RFC3: variants seen among roughly 807,000 people sequenced by gnomAD.
RFC3 encodes the protein A1 38 kDa subunit.
In RFC3, 41 loss-of-function variants were observed where a neutral mutation model predicts 45.1. The ratio of observed to expected loss-of-function variants is 0.91; its 90% CI spans 0.71 to 1.18. The LOEUF is 1.18. Ranked by LOEUF, RFC3 falls within the 50% of genes most tolerant of loss-of-function variation. RFC3 has a pLI of 0.00. For missense variants in RFC3, 423 were observed against 428.1 expected (o/e 0.99, Z 0.10); for synonymous variants, 149 against 144.0 (o/e 1.03, Z -0.25).
intron 8 of RFC3, among the ~76,000 whole-genome samples, chr13:33,928,871 T>G (rs2082833912): frequency 6.6e-6 from 1 of 152,134 alleles, no homozygotes; most frequent in Non-Finnish European, 1.5e-5. Flanking sequence ...ATGGGTTAGT[T>G]GCCCTAGAAA....
chr13:33,923,472 G>A (rs543948031), intron 8 of RFC3, among the ~76,000 whole-genome samples: 1 of 152,192 alleles, frequency 6.6e-6, no homozygotes, highest in Admixed American at 6.5e-5. Flanking sequence ...ATATTAACAC[G>A]AAAACTAGTG....
chr13:33,943,183 G>C (rs1158551494), intron 8 of RFC3, among the ~76,000 whole-genome samples: 2 of 152,172 alleles, frequency 1.3e-5, no homozygotes, highest in East Asian at 3.9e-4. Context: ...CTTAGATTCT[G>C]CAAGTTTCTG....
intron 4 of RFC3, among the ~76,000 whole-genome samples, chr13:33,828,510 C>T (rs955675006): frequency 6.6e-6 from 1 of 152,218 alleles, no homozygotes; most frequent in Non-Finnish European, 1.5e-5. Context: ...ATAAATTGGG[C>T]TCTGTCGAAT....
At chr13:33,823,785 C>G (rs1323981053) in intron 2 of RFC3, 132 bp from the exon 3 acceptor site, 1 of 521,788 alleles carries the variant, frequency 1.9e-6, no homozygotes, top group Admixed American at 3.8e-5. Context: ...GTGGGATTAA[C>G]AAAGTTAAAA....
intron 8 of RFC3, among the ~76,000 whole-genome samples, chr13:33,875,542 C>T (rs1344962233): frequency 6.6e-6 from 1 of 152,192 alleles, no homozygotes; most frequent in Non-Finnish European, 1.5e-5. Context: ...AGAGTTGAGG[C>T]TGGGCCAAAC....
At chr13:33,876,589 A>G (rs2082448511) in intron 8 of RFC3, among the ~76,000 whole-genome samples, 2 of 152,240 alleles carry the variant, frequency 1.3e-5, no homozygotes, top group South Asian at 2.1e-4. Context: ...GTTTATTTAA[A>G]TTAATATAAT....
chr13:33,924,580 A>G (rs556142644), intron 8 of RFC3, among the ~76,000 whole-genome samples: 7 of 151,376 alleles, frequency 4.6e-5, no homozygotes, highest in African/African-American at 1.7e-4. Context: ...AGCAAGATGA[A>G]CAGATAAAGA....
At chr13:33,953,982 G>A (rs2083005807) in intron 8 of RFC3, among the ~76,000 whole-genome samples, 1 of 152,064 alleles carries the variant, frequency 6.6e-6, no homozygotes, top group Non-Finnish European at 1.5e-5. Context: ...TGAAAATCTG[G>A]GATGATGAGA....
chr13:33,911,174 C>T (rs575714386), intron 8 of RFC3, among the ~76,000 whole-genome samples: 2 of 152,176 alleles, frequency 1.3e-5, no homozygotes, highest in Admixed American at 6.5e-5. Flanking sequence ...ACCCATTTTA[C>T]AGATGAGAAG....
the RFC3 span, among the ~76,000 whole-genome samples, chr13:33,975,227 A>G: frequency 6.6e-6 from 1 of 152,236 alleles, no homozygotes; most frequent in Non-Finnish European, 1.5e-5. Flanking sequence ...GAGCTATCAA[A>G]CCTGCCAAGG....
intron 8 of RFC3, among the ~76,000 whole-genome samples, chr13:33,939,748 G>T (rs993943336): frequency 6.6e-6 from 1 of 152,256 alleles, no homozygotes; most frequent in Non-Finnish European, 1.5e-5. Flanking sequence ...TATGGAGTCT[G>T]TACTAACTCT....
At chr13:33,818,327 C>T in intron 1 of RFC3, 62 bp downstream of exon 1, 2 of 1,389,466 alleles carry the variant, frequency 1.4e-6, no homozygotes, top group African/African-American at 1.4e-5. Context: ...GGTTTCGCGC[C>T]CCCCTGAGGA....
chr13:33,924,628 C>T (rs2082790605), intron 8 of RFC3, among the ~76,000 whole-genome samples: 1 of 146,504 alleles, frequency 6.8e-6, no homozygotes, highest in Admixed American at 6.9e-5. Context: ...ATATACACAC[C>T]ATCATTTATT....
chr13:33,868,615 GTAAC>G (rs1049438969), intron 8 of RFC3, among the ~76,000 whole-genome samples: 31 of 152,286 alleles, frequency 2.0e-4, no homozygotes, highest in African/African-American at 6.0e-4. Flanking sequence ...TACATAGAGT[GTAAC>G]TAAGTAACCA....
At chr13:33,890,833 A>C (rs1479611188) in intron 8 of RFC3, among the ~76,000 whole-genome samples, 7 of 152,208 alleles carry the variant, frequency 4.6e-5, no homozygotes, top group Non-Finnish European at 7.3e-5. Context: ...GATTCAAACT[A>C]GGCCAATGGG....
At chr13:33,920,906 T>C (rs1478353977) in intron 8 of RFC3, among the ~76,000 whole-genome samples, 3 of 152,150 alleles carry the variant, frequency 2.0e-5, no homozygotes, top group Admixed American at 2.0e-4. Context: ...TTATGAGTCT[T>C]ATTTATTTTA....
intron 8 of RFC3, among the ~76,000 whole-genome samples, chr13:33,903,952 A>G (rs1488798791): frequency 6.6e-6 from 1 of 152,064 alleles, no homozygotes; most frequent in African/African-American, 2.4e-5. Context: ...TGTCTTGTAA[A>G]CATCATGTTT....
intron 8 of RFC3, among the ~76,000 whole-genome samples, chr13:33,939,704 C>T (rs755598964): frequency 3.3e-5 from 5 of 152,146 alleles, no homozygotes; most frequent in African/African-American, 4.8e-5. Flanking sequence ...GTGTCGGAAG[C>T]GGGAACAGTC....
At chr13:33,834,300 A>G (rs9598149) in intron 7 of RFC3, among the ~76,000 whole-genome samples, 273 of 3,208 alleles carry the variant, frequency 0.085, 6 homozygotes, top group East Asian at 0.14. Flanking sequence ...TACTGTGTGT[A>G]TATATATATA....
Sources: allele counts gnomAD v4.1 joint callset (sites outside exome capture counted in the v4.1 genomes callset), GRCh38; gene constraint gnomAD v4.1.1; transcripts MANE v1.5; gene names NCBI Gene and HGNC (gene_info 2026-07-23, HGNC 2026-07-21).